The following FAM171A1 variants were observed in gnomAD, a reference collection of about 807,000 sequenced individuals.
FAM171A1 encodes the protein family with sequence similarity 171 member A1, also known as protein FAM171A1.
FAM171A1 carries 23 observed loss-of-function variants against 74.9 expected under a neutral mutation model. That is an observed-to-expected ratio of 0.31 (90% CI 0.22 to 0.44). The LOEUF (loss-of-function observed/expected upper bound fraction) is 0.44, where lower values mean the gene tolerates loss of function less well. Ranked by LOEUF, FAM171A1 falls within the 20% of genes least tolerant of loss-of-function variation. The probability of loss-of-function intolerance (pLI) is 1.00; values close to 1 mark genes in which losing one functional copy is unlikely to be tolerated. For synonymous variants in FAM171A1, 527 were observed against 505.7 expected (o/e 1.04, Z -0.57); for missense variants, 1,162 against 1,159.2 (o/e 1.00, Z -0.03).
intron 3 of FAM171A1, among the ~76,000 whole-genome samples, chr10:15,264,593 T>A (rs191977684): frequency 4.6e-5 from 7 of 151,278 alleles, no homozygotes; most frequent in African/African-American, 1.7e-4. Context: ...GAGACTAACC[T>A]GGGCAACATG....
chr10:15,316,527 C>T (rs1447935438), intron 1 of FAM171A1, among the ~76,000 whole-genome samples: 1 of 152,174 alleles, frequency 6.6e-6, no homozygotes, highest in Admixed American at 6.5e-5. Context: ...AGTCTGCAGG[C>T]TCCAGACCTT....
Position 15,322,523 on chromosome 10 carries a change from C to T in FAM171A1, c.98-38418G>A, listed in dbSNP as rs148795011. On this transcript the variant is annotated intron_variant, in intron 1 of 7. Coordinates refer to ENST00000378116, the MANE Select transcript of FAM171A1 (RefSeq NM_001010924.2). ...AGGGCTGATTATCTCTAAGGTACCC[C>T]CAAAAGGACACTGCATGCATTCAGC... 2.8e-3 allele frequency among the ~76,000 whole-genome samples: 419 copies of T among 152,278 alleles called. 1 individual carries two copies. The highest frequency in any genetic ancestry group is 9.6e-3 in the African/African-American group (397 of 41,542).
intron 1 of FAM171A1, among the ~76,000 whole-genome samples, chr10:15,359,116 T>C (rs1184990082): frequency 1.3e-5 from 2 of 152,246 alleles, no homozygotes; most frequent in African/African-American, 4.8e-5. Context: ...CGAGCACATG[T>C]TTCCTAATCG....
At chr10:15,332,059 C>T (rs1289702252) in intron 1 of FAM171A1, among the ~76,000 whole-genome samples, 2 of 151,602 alleles carry the variant, frequency 1.3e-5, no homozygotes, top group African/African-American at 2.4e-5. Context: ...AGGCAATTCT[C>T]GTGCCTCAGC....
In FAM171A1 at chr10:15,330,710, CTTCTTTTTTTTTT is replaced by C. The variant is rs1438505186; in HGVS notation, c.97+40233_97+40245del. On this transcript the variant is annotated intron_variant, in intron 1 of 7. Transcript: ENST00000378116. ...CTCTGAAGCATATTTTTTTCTTCTT[CTTCTTTTTTTTTT>C]TTTTTTTTTTTTGAGATGGAGCCTC... 2.7e-4 allele frequency among the ~76,000 whole-genome samples: 19 copies of C among 69,546 alleles called. No individual in the cohort carries two copies. In the South Asian group the frequency reaches 2.8e-3, roughly 10 times the overall value. The allele number at this position is 69,546 out of a possible 152,430, so 45.6% of individuals were successfully genotyped here.
In FAM171A1 at chr10:15,309,749, T is replaced by C. The variant is rs545106978; in HGVS notation, c.98-25644A>G. Among the ~76,000 whole-genome samples, 4 of 152,362 alleles carry C rather than the reference T, an allele frequency of 2.6e-5. No homozygotes were observed. In the East Asian group the frequency reaches 7.7e-4, roughly 29 times the overall value. On this transcript the variant is annotated intron_variant, in intron 1 of 7. Transcript: ENST00000378116. ...AACTTCTAAAGACTTTCCTCAGGAC[T>C]TGCAGGAAATCTGCATTTTCTATGC...
At chr10:15,295,911 C>G (rs1019057454) in intron 1 of FAM171A1, among the ~76,000 whole-genome samples, 1 of 152,212 alleles carries the variant, frequency 6.6e-6, no homozygotes, top group Non-Finnish European at 1.5e-5. Context: ...TTAAATAGAA[C>G]ACCAGAAAAC....
In FAM171A1 at chr10:15,212,851, GC is replaced by G; in HGVS notation, c.*63del. ...TTCCGTTTCCTCCACGAACGGGTAC[GC>G]GCTTCCATGAGAAAGGATATTTGGC... On this transcript the variant is annotated 3_prime_UTR_variant, in exon 8 of 8. Coordinates refer to ENST00000378116, the MANE Select transcript of FAM171A1 (RefSeq NM_001010924.2). 1 of 1,587,992 alleles carries G rather than the reference GC, an allele frequency of 6.3e-7. No individual in the cohort carries two copies. The highest frequency in any genetic ancestry group is 1.8e-5 in the Admixed American group (1 of 56,582).
chr10:15,344,787 G>A (rs559250083), intron 1 of FAM171A1, among the ~76,000 whole-genome samples: 1 of 152,290 alleles, frequency 6.6e-6, no homozygotes, highest in Admixed American at 6.5e-5. Flanking sequence ...TGTCTCAGTG[G>A]AAAAGGATGA....
chr10:15,312,738 C>G (rs1835379110), intron 1 of FAM171A1, among the ~76,000 whole-genome samples: 1 of 94,256 alleles, frequency 1.1e-5, no homozygotes, highest in African/African-American at 4.5e-5. Context: ...GCTCTTGTTG[C>G]CCAGGCTGGA....
At chr10:15,351,479 T>C (rs1244156193) in intron 1 of FAM171A1, among the ~76,000 whole-genome samples, 2 of 152,192 alleles carry the variant, frequency 1.3e-5, no homozygotes, top group Non-Finnish European at 2.9e-5. Flanking sequence ...AAATAGAGAA[T>C]GGATCTGAAA....
intron 1 of FAM171A1, among the ~76,000 whole-genome samples, chr10:15,342,257 AGTT>A (rs1835772883): frequency 1.3e-5 from 2 of 152,124 alleles, no homozygotes; most frequent in African/African-American, 4.8e-5. Flanking sequence ...TAGTGCTACC[AGTT>A]GTTGTGTAAC....
chr10:15,371,113 C>G lies in FAM171A1; in HGVS notation c.-61G>C. Reference sequence around the variant, plus strand: ...GAGAGCGGGCCGGGCGGCGGCGCGTCACGGGCGGCCGGGCGCCGCGCCCCC... The same window carrying G: ...GAGAGCGGGCCGGGCGGCGGCGCGTGACGGGCGGCCGGGCGCCGCGCCCCC... On this transcript the variant is annotated 5_prime_UTR_variant, in exon 1 of 8. It removes the in-frame stop codon of an upstream open reading frame in the 5' UTR. Transcript: ENST00000378116. The G allele has an allele frequency of 1.3e-6, 1 of 779,250 alleles. No individual in the cohort carries two copies. The highest frequency in any genetic ancestry group is 1.6e-6 in the Non-Finnish European group (1 of 644,778). 48.3% of individuals were successfully genotyped at this position (779,250 alleles called of 1,614,324 possible).
At chr10:15,237,061 CA>C (rs1457746062) in intron 5 of FAM171A1, among the ~76,000 whole-genome samples, 1 of 152,130 alleles carries the variant, frequency 6.6e-6, no homozygotes, top group Non-Finnish European at 1.5e-5. Context: ...AAATCCAGGC[CA>C]AATAGCAGCA....
At chr10:15,320,744 G>A (rs752193792) in intron 1 of FAM171A1, among the ~76,000 whole-genome samples, 2 of 152,182 alleles carry the variant, frequency 1.3e-5, no homozygotes. Flanking sequence ...TGTTGGCCAT[G>A]TGTATGTCTT....
intron 1 of FAM171A1, among the ~76,000 whole-genome samples, chr10:15,297,660 G>C (rs1016475540): frequency 3.3e-5 from 5 of 152,178 alleles, no homozygotes; most frequent in African/African-American, 1.2e-4. Context: ...GATACATATA[G>C]ACATACTCTG....
intron 3 of FAM171A1, among the ~76,000 whole-genome samples, chr10:15,256,282 TA>T (rs1352219061): frequency 6.6e-6 from 1 of 152,180 alleles, no homozygotes; most frequent in Non-Finnish European, 1.5e-5. Flanking sequence ...AAGGGAGTTT[TA>T]GAGCTCCAAG....
chr10:15,225,642 G>T (rs1035400909), intron 5 of FAM171A1, among the ~76,000 whole-genome samples: 3 of 152,146 alleles, frequency 2.0e-5, no homozygotes, highest in African/African-American at 2.4e-5. Context: ...GGTACCGGAT[G>T]GCAGAGCACA....
At chr10:15,228,382 A>T (rs1834137217) in intron 5 of FAM171A1, among the ~76,000 whole-genome samples, 1 of 132,710 alleles carries the variant, frequency 7.5e-6, no homozygotes, top group African/African-American at 2.9e-5. Flanking sequence ...TTGCTTTGTC[A>T]TTCAGGCTGG....
Sources: gnomAD v4.1 joint callset for allele counts (sites outside exome capture counted in the v4.1 genomes callset) on GRCh38, gnomAD v4.1.1 for gene constraint, MANE v1.5 for transcripts, NCBI Gene and HGNC (gene_info 2026-07-23, HGNC 2026-07-21) for gene names.